The following DNAH2 variants were observed in gnomAD, a reference collection of about 807,000 sequenced individuals.
DNAH2 encodes axonemal beta dynein heavy chain 2.
In DNAH2, 323 loss-of-function variants were observed where a neutral mutation model predicts 523.5. That is an observed-to-expected ratio of 0.62 (90% confidence interval 0.56 to 0.68). DNAH2 has a LOEUF of 0.68. Among genes scored for constraint, DNAH2 ranks in the 30% least tolerant of loss-of-function variants. DNAH2 has a pLI of 0.00. For synonymous variants in DNAH2, 2,093 were observed against 2,177.4 expected (o/e 0.96, Z 1.08); for missense variants, 4,907 against 5,701.5 (o/e 0.86, Z 4.49).
At chr17:7,751,470 A>G (rs2075681225) in intron 12 of DNAH2, among the ~76,000 whole-genome samples, 1 of 152,108 alleles carries the variant, frequency 6.6e-6, no homozygotes, top group Non-Finnish European at 1.5e-5. Flanking sequence ...CTCTACATTT[A>G]GATGTTTGAT....
chr17:7,784,115 T>C (rs895945507), intron 39 of DNAH2, among the ~76,000 whole-genome samples: 1 of 152,076 alleles, frequency 6.6e-6, no homozygotes, highest in Non-Finnish European at 1.5e-5. Context: ...TTGCTAGAAA[T>C]AGAGGGCTAT....
chr17:7,801,947 C>G lies in DNAH2; in HGVS notation c.8902C>G (p.Leu2968Val). 1 of 1,614,218 alleles carries G rather than the reference C, an allele frequency of 6.2e-7. No individual in the cohort carries two copies. Among genetic ancestry groups the G allele is most frequent in the Non-Finnish European group, 8.5e-7 (1 of 1,180,042 alleles). ...AGTAGCTCAGTATTCCCAGAAGATG[C>G]TGTTGGAACTGCGGAGACACAACTA... Reference protein sequence around the residue: ...WSVAQYSQKMLLELRRHNYVT... With the variant: ...WSVAQYSQKMVLELRRHNYVT... The change falls in exon 58 of 86, where the codon CTG (leucine) becomes GTG (valine). Residue 2968 changes from leucine (L) to valine (V), a missense_variant. Around this residue, in one of 3 missense-constraint regions of DNAH2, gnomAD observed 1,851 missense variants for 2,139.4 expected, o/e 0.87. Transcript: ENST00000572933.
rs557153673 is a variant in DNAH2, at chr17:7,766,067, G to A, written c.3512-251G>A. Among the ~76,000 whole-genome samples, 107 of 152,150 alleles carry A rather than the reference G, an allele frequency of 7.0e-4. 1 individual carries two copies. In the South Asian group the frequency reaches 0.017, roughly 24 times the overall value. The stretch of plus-strand genomic sequence containing the variant: ...ACTGGAATTACAGGTGTGAGCCACC[G>A]CGCCCGGCCCGCATTTCTACTTTTC... On this transcript the variant is annotated intron_variant, in intron 21 of 85. Coordinates refer to ENST00000572933, the MANE Select transcript of DNAH2 (RefSeq NM_020877.5).
At chr17:7,808,096 C>T (rs528782313) in intron 63 of DNAH2, among the ~76,000 whole-genome samples, 7 of 152,258 alleles carry the variant, frequency 4.6e-5, no homozygotes, top group Non-Finnish European at 7.4e-5. Flanking sequence ...TGAGGCTGGG[C>T]GCCACGGCTC....
chr17:7,733,208 T>C lies in DNAH2; in HGVS notation c.521T>C (p.Leu174Pro). The C allele has an allele frequency of 6.2e-7, 1 of 1,614,224 alleles. No individual in the cohort carries two copies. The highest frequency in any genetic ancestry group is 1.3e-5 in the African/African-American group (1 of 75,062). ...RGPYIPALLR[L>P]LGGVFAPQIF... ...CCCTATATCCCGGCCCTGCTTCGGC[T>C]GCTCGGTGGAGTCTTTGCCCCTCAG... Residue 174 changes from leucine (L) to proline (P), a missense_variant, in exon 5 of 86, where the codon CTG becomes CCG. Physicochemically the swap from Leu to Pro is moderately conservative, Grantham distance 98. Coordinates refer to ENST00000572933, the MANE Select transcript of DNAH2 (RefSeq NM_020877.5).
chr17:7,798,161 A>G lies in DNAH2; in HGVS notation c.8235A>G (p.Thr2745=). ...TCACACCCACCCCACCCCCAGTCAC[A>G]CGGATCGTGCGGGTCATTGGACAGC... ...VLFREAIEHI[T]RIVRVIGQPR... is the part of the protein sequence containing the mutation. Residue 2745 remains threonine (T), a synonymous_variant, in exon 54 of 86, where the codon ACA becomes ACG. Coordinates refer to ENST00000572933, the MANE Select transcript of DNAH2 (RefSeq NM_020877.5). This position sits in a 1 kb window ranked among gnomAD's most constrained non-coding sequence, Gnocchi z 5.5. The G allele has an allele frequency of 6.3e-7, 1 of 1,590,240 alleles. No individual in the cohort carries two copies. The highest frequency in any genetic ancestry group is 8.6e-7 in the Non-Finnish European group (1 of 1,162,080).
chr17:7,738,619 A>G (rs1005277978), intron 8 of DNAH2, among the ~76,000 whole-genome samples: 2 of 152,130 alleles, frequency 1.3e-5, no homozygotes, highest in African/African-American at 2.4e-5. Flanking sequence ...GTGAGCCACC[A>G]CGCCCTGCCT....
intron 75 of DNAH2, 22 bp downstream of exon 75, chr17:7,824,004 T>A: frequency 6.2e-7 from 1 of 1,607,576 alleles, no homozygotes; most frequent in Non-Finnish European, 8.5e-7. Flanking sequence ...GGCTTCCTTG[T>A]CCCCACGGCC....
Position 7,759,869 on chromosome 17 carries a change from G to A in DNAH2, c.2716G>A (p.Val906Ile). 1.2e-6 allele frequency: 2 copies of A among 1,614,160 alleles called. No homozygotes were observed. Among genetic ancestry groups the A allele is most frequent in the Non-Finnish European group, 8.5e-7 (1 of 1,180,030 alleles). The change falls in exon 17 of 86, where the codon GTC becomes ATC. Residue 906 changes from valine to isoleucine, a missense_variant. Coordinates refer to ENST00000572933, the MANE Select transcript of DNAH2 (RefSeq NM_020877.5). Reference protein sequence around the residue: ...IGNHLFSTISVFCHLPDILTK... With the variant: ...IGNHLFSTISIFCHLPDILTK... ...CAACCACCTCTTTTCCACCATCTCT[G>A]TCTTCTGCCACCTCCCTGACATTCT... is the stretch of plus-strand genomic sequence containing the variant.
chr17:7,824,808 C>T, intron 77 of DNAH2, 81 bp downstream of exon 77: 1 of 1,215,380 alleles, frequency 8.2e-7, no homozygotes, highest in Non-Finnish European at 1.1e-6. Context: ...GAGGGCTTAA[C>T]CAACAACAAC....
At chr17:7,766,730 CT>C in intron 22 of DNAH2, among the ~76,000 whole-genome samples, 1 of 142,346 alleles carries the variant, frequency 7.0e-6, no homozygotes, top group East Asian at 2.0e-4. Flanking sequence ...TCACTATAAC[CT>C]CTGCCTCCCG....
At chr17:7,794,542 C>T (rs952108348) in intron 49 of DNAH2, among the ~76,000 whole-genome samples, 184 bp downstream of exon 49, 2 of 152,120 alleles carry the variant, frequency 1.3e-5, no homozygotes, top group East Asian at 1.9e-4. Context: ...GGGTTGGAAG[C>T]GTACCTTCCT....
rs1292058784 is a variant in DNAH2 at position 7,824,668 on chromosome 17, C to A, written c.11794C>A (p.Pro3932Thr). 5.0e-6 allele frequency: 8 copies of A among 1,606,300 alleles called. No individual in the cohort carries two copies. Among genetic ancestry groups the A allele is most frequent in the Non-Finnish European group, 5.1e-6 (6 of 1,174,990 alleles). Residue 3932 changes from proline (P) to threonine (T), a missense_variant, in exon 77 of 86, where the codon CCA becomes ACA. Physicochemically the swap from Pro to Thr is conservative, Grantham distance 38. Transcript: ENST00000572933. ...CCTCTGGCTCAGCTCCATCCCCCAC[C>A]CAGACTTCCCTATCTCAATCTTGCA... ...FRLWLSSIPH[P>T]DFPISILQVS...
chr17:7,723,119 A>C (rs1423329013), intron 2 of DNAH2, among the ~76,000 whole-genome samples: 2 of 149,680 alleles, frequency 1.3e-5, no homozygotes, highest in Non-Finnish European at 3.0e-5. Flanking sequence ...ACAGGCTCCC[A>C]CCAGCACATC....
intron 63 of DNAH2, among the ~76,000 whole-genome samples, chr17:7,808,990 A>G (rs1446049541): frequency 6.6e-6 from 1 of 152,144 alleles, no homozygotes; most frequent in Non-Finnish European, 1.5e-5. Context: ...TCTTTTTACC[A>G]CTGCATGATA....
chr17:7,791,500 C>T (rs908233305), intron 44 of DNAH2, among the ~76,000 whole-genome samples: 1 of 152,212 alleles, frequency 6.6e-6, no homozygotes, highest in African/African-American at 2.4e-5. Context: ...CTGCTATATA[C>T]TATTCCATGA....
intron 63 of DNAH2, among the ~76,000 whole-genome samples, chr17:7,810,714 C>T (rs2077494005): frequency 1.3e-5 from 1 of 74,776 alleles, no homozygotes. Flanking sequence ...AATACAACTT[C>T]ACAACTAGGC....
At chr17:7,727,737 A>G (rs1399472961) in intron 4 of DNAH2, among the ~76,000 whole-genome samples, 1 of 146,318 alleles carries the variant, frequency 6.8e-6, no homozygotes, top group East Asian at 2.0e-4. Context: ...GCCTGGTGAC[A>G]GAGAAAGACT....
At chr17:7,732,953 A>C in intron 4 of DNAH2, 134 bp from the exon 5 acceptor site, 1 of 777,308 alleles carries the variant, frequency 1.3e-6, no homozygotes, top group Non-Finnish European at 2.1e-6. Context: ...AACAGGAAGC[A>C]CTTCATGGCA....
Sources: allele counts gnomAD v4.1 joint callset (sites outside exome capture counted in the v4.1 genomes callset), GRCh38; gene constraint gnomAD v4.1.1; regional missense constraint gnomAD v4.1.1; non-coding constraint Gnocchi (gnomAD v3.1); transcripts MANE v1.5; gene names NCBI Gene and HGNC (gene_info 2026-07-23, HGNC 2026-07-21).